The following DLG2 variants were observed in gnomAD, a reference collection of about 807,000 sequenced individuals.
The protein encoded by DLG2 is disks large homolog 2.
DLG2 carries 45 observed loss-of-function variants against 132.5 expected under a neutral mutation model. The ratio of observed to expected loss-of-function variants is 0.34; its 90% CI spans 0.27 to 0.44. DLG2 has a LOEUF of 0.44. Ranked by LOEUF, DLG2 falls within the 20% of genes least tolerant of loss-of-function variation. The pLI is 1.00. For synonymous variants in DLG2, 424 were observed against 419.6 expected (o/e 1.01, Z -0.13); for missense variants, 1,045 against 1,196.9 (o/e 0.87, Z 1.87).
intron 6 of DLG2, among the ~76,000 whole-genome samples, chr11:84,959,962 T>A (rs1477749719): frequency 5.3e-5 from 8 of 152,206 alleles, no homozygotes. Context: ...GAGTGGTAAT[T>A]CTGAAATATT....
At chr11:83,775,117 C>A (rs2094534390) in intron 18 of DLG2, among the ~76,000 whole-genome samples, 1 of 152,180 alleles carries the variant, frequency 6.6e-6, no homozygotes, top group Non-Finnish European at 1.5e-5. Context: ...GGACTCCGTT[C>A]TCATTTACAA....
Position 84,157,003 on chromosome 11 carries a change from A to G in DLG2, c.624+6458T>C, listed in dbSNP as rs150751943. ...TTAAGGATCTGTTACTTCAAATAAT[A>G]TAAAGCTTTTGAATTTCTAAATTCC... On this transcript the variant is annotated intron_variant, in intron 9 of 27. Coordinates refer to ENST00000376104, the MANE Select transcript of DLG2 (RefSeq NM_001142699.3). Among the ~76,000 whole-genome samples the G allele has an allele frequency of 7.2e-3, 1,094 of 152,288 alleles. 12 individuals carry two copies. The highest frequency in any genetic ancestry group is 0.025 in the African/African-American group (1,042 of 41,562).
chr11:84,775,409 CA>C (rs2070276061), intron 6 of DLG2, among the ~76,000 whole-genome samples: 1 of 152,138 alleles, frequency 6.6e-6, no homozygotes. Flanking sequence ...TTCAACCCAG[CA>C]GTCGCATTAG....
chr11:83,838,636 G>C (rs561517195), intron 16 of DLG2, among the ~76,000 whole-genome samples: 3 of 152,266 alleles, frequency 2.0e-5, no homozygotes, highest in African/African-American at 7.2e-5. Context: ...TGGATTTGTG[G>C]CTTCACATGA....
chr11:84,933,063 C>A (rs1354786554), intron 6 of DLG2, among the ~76,000 whole-genome samples: 2 of 152,142 alleles, frequency 1.3e-5, no homozygotes, highest in African/African-American at 4.8e-5. Context: ...TTCTGACTGG[C>A]ATGAGATGGT....
At chr11:85,613,820 T>G (rs2081167603) in intron 2 of DLG2, among the ~76,000 whole-genome samples, 1 of 152,198 alleles carries the variant, frequency 6.6e-6, no homozygotes, top group Non-Finnish European at 1.5e-5. Flanking sequence ...TTTCGCTCTT[T>G]GCAATAAATC....
intron 14 of DLG2, 91 bp downstream of exon 14, chr11:83,962,794 T>C: frequency 1.3e-6 from 2 of 1,493,864 alleles, no homozygotes; most frequent in Non-Finnish European, 1.8e-6. Flanking sequence ...AAGCTTTAGT[T>C]AGCATCCAAA....
chr11:84,121,930 T>C (rs942819983), intron 9 of DLG2, among the ~76,000 whole-genome samples: 5 of 152,046 alleles, frequency 3.3e-5, no homozygotes, highest in Non-Finnish European at 2.9e-5. Flanking sequence ...TGCTGAGAGA[T>C]AGAGATAGAG....
Position 83,633,266 on chromosome 11 carries a change from T to G in DLG2, c.1885A>C (p.Met629Leu), listed in dbSNP as rs148858967. The part of the protein sequence containing the change: ...DLREQMMNHS[M>L]SSGSGSLRTN... ...CGCAGGGATCCGGACCCGGAGCTCA[T>G]GCTGTGGTTCATCATCTGCTCTCGT... Residue 629 changes from methionine to leucine, a missense_variant, in exon 19 of 28, where the codon ATG (methionine) becomes CTG (leucine). By Grantham distance (15) the Met-to-Leu change is conservative (BLOSUM62 2). Coordinates refer to ENST00000376104, the MANE Select transcript of DLG2 (RefSeq NM_001142699.3). 6.2e-7 allele frequency: 1 copy of G among 1,613,758 alleles called. No individual in the cohort carries two copies. The highest frequency in any genetic ancestry group is 1.3e-5 in the African/African-American group (1 of 75,022).
intron 19 of DLG2, among the ~76,000 whole-genome samples, chr11:83,567,364 A>G (rs1411145947): frequency 6.6e-6 from 1 of 152,208 alleles, no homozygotes; most frequent in East Asian, 1.9e-4. Flanking sequence ...ATAGCAATAG[A>G]ATAAAAAAGT....
chr11:83,500,877 T>C (rs2094423216), intron 21 of DLG2, among the ~76,000 whole-genome samples: 1 of 152,138 alleles, frequency 6.6e-6, no homozygotes, highest in South Asian at 2.1e-4. Context: ...CATCATTCTG[T>C]GTGGTAGATT....
Position 85,524,308 on chromosome 11 carries a change from T to C in DLG2, c.40+74349A>G, listed in dbSNP as rs556391549. Among the ~76,000 whole-genome samples, 4 of 152,228 alleles carry C rather than the reference T, an allele frequency of 2.6e-5. No individual in the cohort carries two copies. The South Asian group carries it at 8.3e-4, about 32-fold the overall frequency. On this transcript the variant is annotated intron_variant, in intron 3 of 27. Transcript: ENST00000376104. The stretch of plus-strand genomic sequence containing the variant: ...GAGGTGATGAATAGTCAATTTGCCC[T>C]AAGGAAATAATTTCACATTGTATGC...
intron 16 of DLG2, among the ~76,000 whole-genome samples, chr11:83,849,882 G>A (rs1188389778): frequency 1.3e-5 from 2 of 151,710 alleles, no homozygotes; most frequent in African/African-American, 2.4e-5. Context: ...CCCGGCCTTC[G>A]TGTCTCCAGT....
At chr11:84,975,858 G>A (rs547405645) in intron 6 of DLG2, among the ~76,000 whole-genome samples, 17 of 152,194 alleles carry the variant, frequency 1.1e-4, no homozygotes, top group South Asian at 6.2e-4. Flanking sequence ...GTTGTTTTCC[G>A]CCAGTCTTCA....
intron 7 of DLG2, among the ~76,000 whole-genome samples, chr11:84,336,734 T>C (rs564237165): frequency 1.7e-4 from 26 of 152,262 alleles, no homozygotes; most frequent in African/African-American, 6.3e-4. Context: ...GTCTTCCCAC[T>C]CTAAAGTAGG....
At chr11:84,580,204 C>T (rs2099513111) in intron 6 of DLG2, among the ~76,000 whole-genome samples, 1 of 152,090 alleles carries the variant, frequency 6.6e-6, no homozygotes, top group South Asian at 2.1e-4. Context: ...CAGTAATATG[C>T]TGTGGGTTTC....
At chr11:84,940,023 C>T (rs1054957548) in intron 6 of DLG2, among the ~76,000 whole-genome samples, 1 of 152,168 alleles carries the variant, frequency 6.6e-6, no homozygotes, top group Non-Finnish European at 1.5e-5. Flanking sequence ...AGTGGCTGTA[C>T]TAACATGTAT....
At chr11:83,844,109 G>T (rs2058141598) in intron 16 of DLG2, among the ~76,000 whole-genome samples, 1 of 152,126 alleles carries the variant, frequency 6.6e-6, no homozygotes. Context: ...CCAGTGGTGG[G>T]ATTAGATCAG....
intron 6 of DLG2, among the ~76,000 whole-genome samples, chr11:84,786,360 C>T (rs186083442): frequency 3.3e-5 from 5 of 152,234 alleles, no homozygotes; most frequent in Admixed American, 3.3e-4. Context: ...TCATAAACCA[C>T]AGATATATAG....
Sources: allele counts gnomAD v4.1 joint callset (sites outside exome capture counted in the v4.1 genomes callset), GRCh38; gene constraint gnomAD v4.1.1; transcripts MANE v1.5; gene names NCBI Gene and HGNC (gene_info 2026-07-23, HGNC 2026-07-21).